The following KCNK13 variants were observed in gnomAD, a reference collection of about 807,000 sequenced individuals.
KCNK13 encodes the protein potassium channel subfamily K member 13.
KCNK13 carries 12 observed loss-of-function variants against 23.4 expected under a neutral mutation model. The ratio of observed to expected loss-of-function variants is 0.51; its 90% CI spans 0.33 to 0.83. KCNK13 has a LOEUF of 0.83. KCNK13 is among the 40% of genes least tolerant of loss of function. The pLI is 0.02. For synonymous variants in KCNK13, 231 were observed against 229.5 expected, an observed-to-expected ratio of 1.01 and a Z score of -0.06; for missense variants, 463 against 556.3, an observed-to-expected ratio of 0.83 and a Z score of 1.69.
intron 1 of KCNK13, among the ~76,000 whole-genome samples, chr14:90,102,108 C>G (rs1159347886): frequency 6.6e-6 from 1 of 152,082 alleles, no homozygotes; most frequent in African/African-American, 2.4e-5. Context: ...GTCTCGAGCT[C>G]CCGACCTCAG....
intron 1 of KCNK13, among the ~76,000 whole-genome samples, chr14:90,116,229 C>T (rs1363212320): frequency 7.2e-5 from 11 of 151,968 alleles, no homozygotes; most frequent in African/African-American, 2.7e-4. Context: ...GTCCTTTTTT[C>T]CCTTCCCAGG....
intron 1 of KCNK13, among the ~76,000 whole-genome samples, chr14:90,137,321 A>T (rs1354766806): frequency 1.3e-5 from 2 of 150,590 alleles, no homozygotes; most frequent in East Asian, 1.9e-4. Flanking sequence ...TTATTTATTT[A>T]TTTTTATTTA....
intron 1 of KCNK13, among the ~76,000 whole-genome samples, chr14:90,148,077 G>A (rs1221844372): frequency 1.3e-5 from 2 of 152,176 alleles, no homozygotes. Flanking sequence ...GCATGAGGAT[G>A]GCTTGAGCTC....
At chr14:90,085,595 G>T (rs1163824249) in intron 1 of KCNK13, among the ~76,000 whole-genome samples, 1 of 149,714 alleles carries the variant, frequency 6.7e-6, no homozygotes, top group East Asian at 2.0e-4. Flanking sequence ...GGAGGCGGAG[G>T]TTGCAGTGAG....
At chr14:90,073,265 T>C (rs1889097182) in intron 1 of KCNK13, among the ~76,000 whole-genome samples, 1 of 152,174 alleles carries the variant, frequency 6.6e-6, no homozygotes, top group African/African-American at 2.4e-5. Context: ...TCTGTGCTAC[T>C]ACGGGTGTAA....
intron 1 of KCNK13, among the ~76,000 whole-genome samples, chr14:90,182,900 T>C (rs1432463860): frequency 6.6e-6 from 1 of 152,044 alleles, no homozygotes; most frequent in Non-Finnish European, 1.5e-5. Flanking sequence ...ATGCTCAGTA[T>C]TCTTTTTATT....
Position 90,062,148 on chromosome 14 carries a change from C to CGAGA in KCNK13, c.-57_-54dup. 1.7e-6 allele frequency: 2 copies of CGAGA among 1,164,530 alleles called. No homozygotes were observed. Among genetic ancestry groups the CGAGA allele is most frequent in the Non-Finnish European group, 2.2e-6 (2 of 895,022 alleles). The allele number at this position is 1,164,530 out of a possible 1,614,324, so 72.1% of individuals were successfully genotyped here. A position where few individuals can be genotyped will look rare whatever the true frequency, so the allele number is the denominator to read the frequency against. On this transcript the variant is annotated 5_prime_UTR_variant, in exon 1 of 2. Coordinates refer to ENST00000282146, the MANE Select transcript of KCNK13 (RefSeq NM_022054.4). The surrounding 1 kb of genome is among the most constrained non-coding windows in gnomAD (Gnocchi z 4.5). ...GGCCCTTATTTCCCGGGGGTGTGGG[C>CGAGA]GAGACTCCGCCGACGCCCGGTGCCG...
intron 1 of KCNK13, among the ~76,000 whole-genome samples, chr14:90,077,533 C>A (rs1889154701): frequency 6.6e-6 from 1 of 152,180 alleles, no homozygotes; most frequent in African/African-American, 2.4e-5. Context: ...TTTAAAAAGT[C>A]TACTAGGTAC....
At chr14:90,085,876 T>A (rs1226915121) in intron 1 of KCNK13, among the ~76,000 whole-genome samples, 1 of 144,422 alleles carries the variant, frequency 6.9e-6, no homozygotes, top group Admixed American at 7.3e-5. Flanking sequence ...AATTTATATC[T>A]ATCTATCTAC....
intron 1 of KCNK13, among the ~76,000 whole-genome samples, chr14:90,132,135 T>C (rs1002616322): frequency 3.3e-5 from 5 of 152,236 alleles, no homozygotes; most frequent in Non-Finnish European, 7.3e-5. Context: ...GCCATCAACA[T>C]TGAATGAACT....
At chr14:90,139,876 C>T (rs1405303475) in intron 1 of KCNK13, among the ~76,000 whole-genome samples, 3 of 152,162 alleles carry the variant, frequency 2.0e-5, no homozygotes. Context: ...CCATGAGAAT[C>T]GCTTGAACCT....
chr14:90,071,158 C>T (rs777460559), intron 1 of KCNK13, among the ~76,000 whole-genome samples: 4 of 152,138 alleles, frequency 2.6e-5, no homozygotes, highest in African/African-American at 4.8e-5. Context: ...TTCTCTCTTT[C>T]CCTCTATCCC....
chr14:90,123,947 C>T (rs939052470), intron 1 of KCNK13, among the ~76,000 whole-genome samples: 9 of 152,150 alleles, frequency 5.9e-5, no homozygotes, highest in African/African-American at 2.2e-4. Context: ...GAGATTCTGA[C>T]TTAATTGGTC....
chr14:90,100,395 C>T (rs367613926), intron 1 of KCNK13, among the ~76,000 whole-genome samples: 4 of 152,130 alleles, frequency 2.6e-5, no homozygotes, highest in African/African-American at 9.7e-5. Flanking sequence ...CATGAAATTA[C>T]GTTCAACAAG....
chr14:90,138,241 A>T (rs1283386665), intron 1 of KCNK13, among the ~76,000 whole-genome samples: 1 of 152,230 alleles, frequency 6.6e-6, no homozygotes, highest in African/African-American at 2.4e-5. Context: ...ATTCAGAAAT[A>T]TATCAAGTAT....
At chr14:90,076,385 A>C (rs756920748) in intron 1 of KCNK13, among the ~76,000 whole-genome samples, 1 of 152,230 alleles carries the variant, frequency 6.6e-6, no homozygotes, top group Non-Finnish European at 1.5e-5. Context: ...TCTTTTGCTC[A>C]TAAAACAGAA....
chr14:90,094,938 T>C (rs1388093881), intron 1 of KCNK13, among the ~76,000 whole-genome samples: 1 of 152,168 alleles, frequency 6.6e-6, no homozygotes, highest in African/African-American at 2.4e-5. Flanking sequence ...TGAGCCACCA[T>C]GCCCAGCCTA....
In KCNK13 at chr14:90,177,528, T is replaced by G. The variant is rs139628867; in HGVS notation, c.335-6583T>G. On this transcript the variant is annotated intron_variant, in intron 1 of 1. Coordinates refer to ENST00000282146, the MANE Select transcript of KCNK13 (RefSeq NM_022054.4). ...GAATCCTGACCAGAGGAATCTTTCC[T>G]CTTATAGATAATTGGTTTTCGGAGT... 2.0e-4 allele frequency among the ~76,000 whole-genome samples: 30 copies of G among 152,346 alleles called. 1 individual carries two copies. In the East Asian group the frequency reaches 5.8e-3, roughly 29 times the overall value.
chr14:90,178,300 A>AT (rs1308396692), intron 1 of KCNK13, among the ~76,000 whole-genome samples: 7 of 112,542 alleles, frequency 6.2e-5, no homozygotes, highest in African/African-American at 1.9e-4. Context: ...TTTTATTTTT[A>AT]TTTTTTTTGA....
Sources: allele counts gnomAD v4.1 joint callset (sites outside exome capture counted in the v4.1 genomes callset), GRCh38; gene constraint gnomAD v4.1.1; non-coding constraint Gnocchi (gnomAD v3.1); transcripts MANE v1.5; gene names NCBI Gene and HGNC (gene_info 2026-07-23, HGNC 2026-07-21).